FHAD1: variants seen among roughly 807,000 people sequenced by gnomAD.
The protein encoded by FHAD1 is forkhead associated phosphopeptide binding domain 1.
A neutral mutation model predicts 191.3 loss-of-function variants in FHAD1; 146 were observed. The ratio of observed to expected loss-of-function variants is 0.76; its 90% CI spans 0.67 to 0.88. The LOEUF is 0.88. Ranked by LOEUF, FHAD1 falls within the 40% of genes least tolerant of loss-of-function variation. The pLI is 0.00. For synonymous variants in FHAD1, 616 were observed against 672.3 expected (o/e 0.92, Z 1.29); for missense variants, 1,635 against 1,785.8 (o/e 0.92, Z 1.52).
chr1:15,332,081 A>G (rs891530322), intron 14 of FHAD1, among the ~76,000 whole-genome samples: 1 of 152,258 alleles, frequency 6.6e-6, no homozygotes, highest in African/African-American at 2.4e-5. Context: ...CTGCAGCAGG[A>G]TGCTTCCAAA....
Position 15,345,210 on chromosome 1 carries a change from A to G in FHAD1, c.2238+20A>G. 6.5e-7 allele frequency: 1 copy of G among 1,540,178 alleles called. No individual in the cohort carries two copies. The highest frequency in any genetic ancestry group is 1.2e-5 in the South Asian group (1 of 83,794). On this transcript the variant is annotated intron_variant, in intron 17 of 33. Transcript: ENST00000688493. ...AAGAAGGTATGTGGCTCAGGGAGAC[A>G]GAGTCAGCTCGAGCCCCACTGCAGC...
chr1:15,375,855 A>C, intron 28 of FHAD1, 125 bp downstream of exon 28: 1 of 1,112,216 alleles, frequency 9.0e-7, no homozygotes, highest in Non-Finnish European at 1.2e-6. Context: ...TGCTGTCTAT[A>C]CTCACTAGCT....
intron 4 of FHAD1, among the ~76,000 whole-genome samples, chr1:15,292,330 T>C (rs1665099296): frequency 6.6e-6 from 1 of 150,776 alleles, no homozygotes; most frequent in South Asian, 2.1e-4. Flanking sequence ...GTGGGGTTTT[T>C]TTTGTTTTGT....
At chr1:15,345,300 C>G in intron 17 of FHAD1, 110 bp downstream of exon 17, 1 of 1,332,654 alleles carries the variant, frequency 7.5e-7, no homozygotes, top group Non-Finnish European at 1.1e-6. Flanking sequence ...GCTGTGCTGT[C>G]CACAGTCCCC....
rs144709991 is a variant in FHAD1, at chr1:15,367,779, C to A, written c.3314+157C>A. 3.1e-3 allele frequency among the ~76,000 whole-genome samples: 466 copies of A among 152,178 alleles called. 1 individual carries two copies. The highest frequency in any genetic ancestry group is 0.011 in the African/African-American group (451 of 41,514). Reference sequence around the variant, plus strand: ...GGCTTATTCTGTGCTTCTCAAACTTCCTTGTCCAATATTCCAGATGACAGG... The same window carrying A: ...GGCTTATTCTGTGCTTCTCAAACTTACTTGTCCAATATTCCAGATGACAGG... On this transcript the variant is annotated intron_variant, in intron 25 of 33. Coordinates refer to ENST00000688493, the MANE Select transcript of FHAD1 (RefSeq NM_001391957.1).
chr1:15,271,472 T>C (rs1655956267), intron 2 of FHAD1, among the ~76,000 whole-genome samples: 1 of 152,230 alleles, frequency 6.6e-6, no homozygotes, highest in African/African-American at 2.4e-5. Context: ...GAGGAGCTTC[T>C]GTCCCTTGCC....
chr1:15,282,296 T>C (rs777624102), intron 3 of FHAD1, among the ~76,000 whole-genome samples: 6 of 152,234 alleles, frequency 3.9e-5, no homozygotes, highest in Non-Finnish European at 7.3e-5. Flanking sequence ...AAGTAAAGTA[T>C]GCAGGTATAG....
At chr1:15,266,868 C>G (rs1477659499) in intron 2 of FHAD1, among the ~76,000 whole-genome samples, 1 of 152,140 alleles carries the variant, frequency 6.6e-6, no homozygotes, top group Non-Finnish European at 1.5e-5. Context: ...GCTTTTTTCA[C>G]TAAGCAATAT....
At chr1:15,369,308 T>G in intron 25 of FHAD1, 62 bp from the exon 26 acceptor site, 4 of 1,519,918 alleles carry the variant, frequency 2.6e-6, no homozygotes, top group Non-Finnish European at 3.6e-6. Flanking sequence ...GGTCTTCCAA[T>G]GAGTGTAAAA....
At position 15,318,544 on chromosome 1, in the gene FHAD1, G is replaced by A. The variant is rs1283424148; in HGVS notation, c.1365+616G>A. On this transcript the variant is annotated intron_variant, in intron 10 of 33. Transcript: ENST00000688493. The surrounding 1 kb of genome is among the most constrained non-coding windows in gnomAD (Gnocchi z 4.1). ...AGCCACTCAGGAGGCTGAGGCAGGA[G>A]AATCACTTGAACCTGGGAGGTGGAG... Among the ~76,000 whole-genome samples the A allele has an allele frequency of 6.6e-6, 1 of 152,050 alleles. No homozygotes were observed. The highest frequency in any genetic ancestry group is 1.5e-5 in the Non-Finnish European group (1 of 68,026).
chr1:15,269,235 C>G (rs976670516), intron 2 of FHAD1, among the ~76,000 whole-genome samples: 12 of 152,068 alleles, frequency 7.9e-5, no homozygotes, highest in African/African-American at 2.9e-4. Flanking sequence ...TTCCTCTAGT[C>G]TCCTAAGGTA....
intron 2 of FHAD1, among the ~76,000 whole-genome samples, chr1:15,253,360 A>C (rs557072901): frequency 1.3e-5 from 2 of 152,292 alleles, no homozygotes; most frequent in Non-Finnish European, 2.9e-5. Flanking sequence ...TGTCTTGCTG[A>C]GATTTTGATA....
intron 2 of FHAD1, among the ~76,000 whole-genome samples, chr1:15,267,162 A>T (rs1653893075): frequency 6.6e-6 from 1 of 152,246 alleles, no homozygotes; most frequent in Admixed American, 6.5e-5. Flanking sequence ...ATATGAAAAG[A>T]TTTTAACCAT....
Position 15,296,695 on chromosome 1 carries a change from G to A in FHAD1, c.580G>A (p.Ala194Thr), listed in dbSNP as rs1415638988. ...ATCTCACGCCTTAGTGTGGACCAAT[G>A]CCATGAAACTGTCAGAAAAATCAGT... ...PPVIKQVWTNAMKLSEKSVAE... is the reference protein window; with the variant it reads ...PPVIKQVWTNTMKLSEKSVAE... The change falls in exon 5 of 34, where the codon GCC becomes ACC. Residue 194 changes from alanine to threonine, a missense_variant. Ala to Thr is a moderately conservative substitution (Grantham distance 58). Coordinates refer to ENST00000688493, the MANE Select transcript of FHAD1 (RefSeq NM_001391957.1). 3 of 1,552,108 alleles carry A rather than the reference G, an allele frequency of 1.9e-6. No individual in the cohort carries two copies. The highest frequency in any genetic ancestry group is 2.6e-6 in the Non-Finnish European group (3 of 1,147,122).
At chr1:15,350,855 A>G (rs1690612454) in intron 19 of FHAD1, among the ~76,000 whole-genome samples, 1 of 152,162 alleles carries the variant, frequency 6.6e-6, no homozygotes, top group Non-Finnish European at 1.5e-5. Context: ...GTGGGACAAT[A>G]ACAAGCCCAT....
chr1:15,378,894 C>G (rs1398722397), intron 28 of FHAD1, among the ~76,000 whole-genome samples: 3 of 152,194 alleles, frequency 2.0e-5, no homozygotes, highest in East Asian at 3.9e-4. Context: ...TTGTCCGTGG[C>G]CTCCAGACTC....
upstream of FHAD1, among the ~76,000 whole-genome samples, chr1:15,243,840 C>G (rs1360688328): frequency 6.6e-6 from 1 of 152,236 alleles, no homozygotes; most frequent in African/African-American, 2.4e-5. Flanking sequence ...ATTGTGACAG[C>G]TGTCACCTGT....
At chr1:15,398,806 G>A (rs1206489741), downstream of FHAD1, among the ~76,000 whole-genome samples, 1 of 149,558 alleles carries the variant, frequency 6.7e-6, no homozygotes, top group Non-Finnish European at 1.5e-5. Flanking sequence ...AAATGGAAGA[G>A]CCAGAAATCA....
chr1:15,322,571 A>G (rs2101636627), intron 10 of FHAD1, among the ~76,000 whole-genome samples: 1 of 152,350 alleles, frequency 6.6e-6, no homozygotes, highest in East Asian at 1.9e-4. Flanking sequence ...ATTTAGGTGA[A>G]ATTAAATATA....
Sources: gnomAD v4.1 joint callset for allele counts (sites outside exome capture counted in the v4.1 genomes callset) on GRCh38, gnomAD v4.1.1 for gene constraint, Gnocchi (gnomAD v3.1) non-coding constraint, MANE v1.5 for transcripts, NCBI Gene and HGNC (gene_info 2026-07-23, HGNC 2026-07-21) for gene names.